INTS7: variants seen among roughly 807,000 people sequenced by gnomAD.
INTS7 encodes the protein integrator complex subunit 7.
In INTS7, 46 loss-of-function variants were observed where a neutral mutation model predicts 109.2. The observed-to-expected ratio is 0.42, with a 90% CI of 0.33 to 0.54. The LOEUF (loss-of-function observed/expected upper bound fraction) is 0.54, where lower values mean the gene tolerates loss of function less well. Among genes scored for constraint, INTS7 ranks in the 20% least tolerant of loss-of-function variants. INTS7 has a pLI of 0.07. For synonymous variants in INTS7, 412 were observed against 402.9 expected (o/e 1.02, Z -0.27); for missense variants, 929 against 1,132.4 (o/e 0.82, Z 2.58).
intron 13 of INTS7, among the ~76,000 whole-genome samples, chr1:211,972,268 T>TA (rs746861103): frequency 1.1e-4 from 17 of 151,614 alleles, no homozygotes; most frequent in Admixed American, 3.3e-4. Flanking sequence ...ATTAAATGAT[T>TA]AAAAAAAAAC....
At chr1:211,980,870 G>A (rs1432820863) in intron 10 of INTS7, among the ~76,000 whole-genome samples, 1 of 152,090 alleles carries the variant, frequency 6.6e-6, no homozygotes, top group East Asian at 1.9e-4. Context: ...ATTAATGAAC[G>A]CTTATGTTAA....
rs530741294 is a variant in INTS7 at position 211,948,699 on chromosome 1, T to TTTTTG, written c.2317-1999_2317-1995dup. 5.7e-3 allele frequency among the ~76,000 whole-genome samples: 875 copies of TTTTTG among 152,266 alleles called. 7 individuals are homozygous for TTTTTG. Among genetic ancestry groups the TTTTTG allele is most frequent in the African/African-American group, 0.019 (804 of 41,550 alleles). On this transcript the variant is annotated intron_variant, in intron 17 of 19. Transcript: ENST00000366994. Reference sequence around the variant, plus strand: ...TAAACCAGCAGAAAGACGTTAACGCTTTTTGTTTTGTTTTGTTTTGTTTTT... The same window carrying TTTTTG: ...TAAACCAGCAGAAAGACGTTAACGCTTTTTGTTTTGTTTTGTTTTGTTTTGTTTTT...
chr1:212,022,726 C>G (rs181268567), intron 1 of INTS7, among the ~76,000 whole-genome samples: 1 of 152,350 alleles, frequency 6.6e-6, no homozygotes, highest in African/African-American at 2.4e-5. Flanking sequence ...TGACAACCCT[C>G]TGGCTCTTTC....
At chr1:211,974,271 A>AT (rs1226699110) in intron 13 of INTS7, among the ~76,000 whole-genome samples, 23,315 of 70,790 alleles carry the variant, frequency 0.33, 2,824 homozygotes, top group Non-Finnish European at 0.38. Context: ...TTCCCAGAAA[A>AT]AAAAAATATA....
At chr1:211,997,313 C>T (rs772994568) in intron 7 of INTS7, among the ~76,000 whole-genome samples, 6 of 150,986 alleles carry the variant, frequency 4.0e-5, no homozygotes, top group African/African-American at 1.5e-4. Context: ...GAGAGGCTGA[C>T]GTGGGCAAAT....
At chr1:212,008,947 C>T (rs1017845698) in intron 5 of INTS7, among the ~76,000 whole-genome samples, 1 of 152,200 alleles carries the variant, frequency 6.6e-6, no homozygotes, top group South Asian at 2.1e-4. Context: ...TAAGTATTCT[C>T]CCTGCTTAGG....
chr1:212,012,516 A>G (rs1287817537), intron 4 of INTS7, among the ~76,000 whole-genome samples: 10 of 152,132 alleles, frequency 6.6e-5, no homozygotes, highest in Admixed American at 6.5e-4. Flanking sequence ...GCAATTTGGG[A>G]TTGCTGAGGT....
chr1:212,033,539 A>G (rs1333356520), intron 1 of INTS7, among the ~76,000 whole-genome samples: 1 of 152,176 alleles, frequency 6.6e-6, no homozygotes, highest in African/African-American at 2.4e-5. Context: ...TAAAAAGGAA[A>G]AATTGTGGTT....
intron 8 of INTS7, among the ~76,000 whole-genome samples, chr1:211,985,185 T>C (rs1162133425): frequency 6.6e-6 from 1 of 152,194 alleles, no homozygotes; most frequent in Non-Finnish European, 1.5e-5. Flanking sequence ...CAACACACCA[T>C]GTTTATCAAA....
Position 211,978,254 on chromosome 1 carries a change from T to G in INTS7, c.1470+18A>C, listed in dbSNP as rs1226881411. ...CAGATCCTAGTCATTCAAAGGAGAT[T>G]CAAAATGGGCTTTTTACCAGAAGTT... is the stretch of plus-strand genomic sequence containing the variant. On this transcript the variant is annotated intron_variant, in intron 11 of 19. Transcript: ENST00000366994. 1.7e-5 allele frequency: 28 copies of G among 1,613,672 alleles called. No individual in the cohort carries two copies. The highest frequency in any genetic ancestry group is 2.2e-5 in the Non-Finnish European group (26 of 1,179,582).
At chr1:211,983,346 A>C (rs942421236) in intron 8 of INTS7, among the ~76,000 whole-genome samples, 3 of 152,142 alleles carry the variant, frequency 2.0e-5, no homozygotes, top group African/African-American at 2.4e-5. Context: ...CCAAAGCCCC[A>C]AAATTTTAAG....
chr1:211,967,940 T>G lies in INTS7; in HGVS notation c.2052A>C (p.Arg684=), dbSNP rs1171971592. The G allele has an allele frequency of 6.2e-7, 1 of 1,608,964 alleles. No individual in the cohort carries two copies. Among genetic ancestry groups the G allele is most frequent in the South Asian group, 1.1e-5 (1 of 90,414 alleles). The change falls in exon 15 of 20, where the codon CGA becomes CGC. Residue 684 remains arginine (R), a synonymous_variant. Coordinates refer to ENST00000366994, the MANE Select transcript of INTS7 (RefSeq NM_015434.4). ...AAGATGCCTGGTAAAGATCTCCATA[T>G]CGAGAAGCAAGGCTTCGAAATTCTT... is the stretch of plus-strand genomic sequence containing the variant. ...SMEEFRSLAS[R]YGDLYQASFD...
intron 13 of INTS7, among the ~76,000 whole-genome samples, chr1:211,973,525 G>A (rs773464909): frequency 1.3e-4 from 20 of 152,156 alleles, no homozygotes; most frequent in Non-Finnish European, 2.2e-4. Context: ...AAAGCTGTAC[G>A]ATCTCAGGTA....
chr1:212,021,218 G>GAAA lies in INTS7; in HGVS notation c.95-9_95-7dup. Reference sequence around the variant, plus strand: ...AAGTTTGCCAGATCTTAGGCCTATGGAAAAAAAAAAGCACAGAGAGGGAAG... The same window carrying GAAA: ...AAGTTTGCCAGATCTTAGGCCTATGGAAAAAAAAAAAAAGCACAGAGAGGGAAG... On this transcript the variant is annotated splice_region_variant and splice_polypyrimidine_tract_variant and intron_variant, in intron 1 of 19. Transcript: ENST00000366994. 1.4e-6 allele frequency: 2 copies of GAAA among 1,416,714 alleles called. No individual in the cohort carries two copies. Among genetic ancestry groups the GAAA allele is most frequent in the Admixed American group, 2.2e-5 (1 of 45,390 alleles). The allele number at this position is 1,416,714 out of a possible 1,614,324, so 87.8% of individuals were successfully genotyped here.
At chr1:212,027,410 G>A (rs906857337) in intron 1 of INTS7, among the ~76,000 whole-genome samples, 4 of 152,074 alleles carry the variant, frequency 2.6e-5, no homozygotes, top group Admixed American at 6.6e-5. Flanking sequence ...TAAGCCCAGA[G>A]ATAAGATTAA....
In INTS7 at chr1:211,974,274, A is replaced by ATATAT. The variant is rs1553249475; in HGVS notation, c.1815+891_1815+892insATATA. Among the ~76,000 whole-genome samples, 671 of 79,314 alleles carry ATATAT rather than the reference A, an allele frequency of 8.5e-3. 4 individuals are homozygous for ATATAT. Among genetic ancestry groups the ATATAT allele is most frequent in the East Asian group, 0.017 (49 of 2,840 alleles). The allele number at this position is 79,314 out of a possible 152,430, so 52.0% of individuals were successfully genotyped here. ...AACAACAATCTCTTCCCAGAAAAAA[A>ATATAT]AAATATATATATATATATATATATA... On this transcript the variant is annotated intron_variant, in intron 13 of 19. Coordinates refer to ENST00000366994, the MANE Select transcript of INTS7 (RefSeq NM_015434.4).
rs1244472081 is a variant in INTS7, at chr1:211,982,682, C to T, written c.1126G>A (p.Glu376Lys). Residue 376 changes from glutamate (E) to lysine (K), a missense_variant, in exon 9 of 20, where the codon GAA becomes AAA. Physicochemically the swap from Glu to Lys is moderately conservative, Grantham distance 56. Transcript: ENST00000366994. ...CAGTCCTGATCAAACTTACCCTTTT[C>T]TTGACAAGAAACAGTTATATTAGTT... is the stretch of plus-strand genomic sequence containing the variant. ...VLTNITVSCQ[E>K]KDLLALEQDA... The T allele has an allele frequency of 2.5e-6, 4 of 1,601,656 alleles. No individual in the cohort carries two copies. In the East Asian group the frequency reaches 6.8e-5, roughly 27 times the overall value.
At chr1:211,999,465 C>T (rs1257094737) in intron 7 of INTS7, among the ~76,000 whole-genome samples, 1 of 152,134 alleles carries the variant, frequency 6.6e-6, no homozygotes, top group African/African-American at 2.4e-5. Flanking sequence ...AAAGGACTGA[C>T]TACAGAGGGG....
intron 3 of INTS7, among the ~76,000 whole-genome samples, chr1:212,019,875 C>T (rs1395895749): frequency 6.6e-6 from 1 of 152,168 alleles, no homozygotes; most frequent in Non-Finnish European, 1.5e-5. Flanking sequence ...ATCAGAACAC[C>T]TATCTACATA....
Sources: allele counts gnomAD v4.1 joint callset (sites outside exome capture counted in the v4.1 genomes callset), GRCh38; gene constraint gnomAD v4.1.1; transcripts MANE v1.5; gene names NCBI Gene and HGNC (gene_info 2026-07-23, HGNC 2026-07-21).